CSMD1: variants seen among roughly 807,000 people sequenced by gnomAD.
CSMD1 encodes the protein CUB and sushi domain-containing protein 1.
Under a neutral mutation model 417.5 loss-of-function variants are expected in CSMD1, and 213 were observed. That is an observed-to-expected ratio of 0.51 (90% CI 0.46 to 0.57). The LOEUF (loss-of-function observed/expected upper bound fraction) is 0.57, where lower values mean the gene tolerates loss of function less well. Ranked by LOEUF, CSMD1 falls within the 20% of genes least tolerant of loss-of-function variation. The probability of loss-of-function intolerance (pLI) is 0.00; values close to 1 mark genes in which losing one functional copy is unlikely to be tolerated. For synonymous variants in CSMD1, 2,862 were observed against 1,736.8 expected (o/e 1.65, Z -16.11); for missense variants, 6,923 against 4,529.7 (o/e 1.53, Z -15.17).
intron 5 of CSMD1, among the ~76,000 whole-genome samples, chr8:3,976,414 G>A (rs571746131): frequency 6.6e-5 from 10 of 152,246 alleles, no homozygotes; most frequent in Middle Eastern, 3.4e-3. Flanking sequence ...CTACTAGCAT[G>A]AGCTTCATCA....
At chr8:3,665,751 G>A (rs558208145) in intron 7 of CSMD1, among the ~76,000 whole-genome samples, 28 of 152,122 alleles carry the variant, frequency 1.8e-4, no homozygotes, top group African/African-American at 6.5e-4. Flanking sequence ...AATATAGGAA[G>A]GTGTTTATCC....
chr8:3,805,536 A>T (rs1800682943), intron 5 of CSMD1, among the ~76,000 whole-genome samples: 1 of 152,156 alleles, frequency 6.6e-6, no homozygotes, highest in South Asian at 2.1e-4. Context: ...TTTCATCTGC[A>T]GTGGAAAAGA....
intron 52 of CSMD1, among the ~76,000 whole-genome samples, chr8:3,017,332 A>C (rs1413224588): frequency 6.6e-6 from 1 of 152,202 alleles, no homozygotes; most frequent in Non-Finnish European, 1.5e-5. Flanking sequence ...TTAGGAATGC[A>C]TGGAAACTCC....
At chr8:3,899,420 T>C (rs1355186128) in intron 5 of CSMD1, among the ~76,000 whole-genome samples, 1 of 152,282 alleles carries the variant, frequency 6.6e-6, no homozygotes, top group East Asian at 1.9e-4. Flanking sequence ...CTTCAACATG[T>C]TGGCCACAGG....
chr8:4,256,050 C>T (rs781779986), intron 3 of CSMD1, among the ~76,000 whole-genome samples: 7 of 152,156 alleles, frequency 4.6e-5, no homozygotes, highest in African/African-American at 1.7e-4. Context: ...TTAGATGCAA[C>T]GATTGCATAT....
At chr8:4,597,308 C>T (rs1015953254) in intron 2 of CSMD1, among the ~76,000 whole-genome samples, 3 of 152,014 alleles carry the variant, frequency 2.0e-5, no homozygotes, top group African/African-American at 7.3e-5. Flanking sequence ...CTTATAAGAT[C>T]CTTAAAATAA....
intron 47 of CSMD1, among the ~76,000 whole-genome samples, chr8:3,096,389 G>C (rs908751036): frequency 1.3e-5 from 2 of 152,112 alleles, no homozygotes; most frequent in African/African-American, 2.4e-5. Flanking sequence ...CTGATAGTAA[G>C]TCCCACAAGA....
intron 43 of CSMD1, 99 bp downstream of exon 43, chr8:3,110,059 T>G (rs1370781518): frequency 9.7e-7 from 1 of 1,028,020 alleles, no homozygotes; most frequent in African/African-American, 1.6e-5. Flanking sequence ...TCTAAGAAGT[T>G]TATTCTAAAT....
chr8:4,185,373 A>G (rs1563239992), intron 3 of CSMD1, among the ~76,000 whole-genome samples: 1 of 152,106 alleles, frequency 6.6e-6, no homozygotes, highest in African/African-American at 2.4e-5. Context: ...TAAATTGGAC[A>G]GGGCTTTTAA....
At chr8:4,732,435 T>C (rs769269641) in intron 1 of CSMD1, among the ~76,000 whole-genome samples, 4 of 151,792 alleles carry the variant, frequency 2.6e-5, no homozygotes, top group Non-Finnish European at 5.9e-5. Context: ...CAAGCATTTA[T>C]TCTCACTCAC....
chr8:2,992,404 G>A (rs145791655), intron 54 of CSMD1, among the ~76,000 whole-genome samples: 43 of 152,070 alleles, frequency 2.8e-4, no homozygotes, highest in Middle Eastern at 3.4e-3. Context: ...TAACTAGGTC[G>A]AGTTTTGATT....
At chr8:3,660,350 T>G (rs990320184) in intron 7 of CSMD1, among the ~76,000 whole-genome samples, 1 of 152,154 alleles carries the variant, frequency 6.6e-6, no homozygotes, top group Non-Finnish European at 1.5e-5. Flanking sequence ...ACTGAAAGTA[T>G]TAGCGATCTT....
intron 1 of CSMD1, among the ~76,000 whole-genome samples, chr8:4,910,271 T>C (rs1265005353): frequency 6.6e-6 from 1 of 152,222 alleles, no homozygotes; most frequent in Non-Finnish European, 1.5e-5. Context: ...CTCATCACAG[T>C]GAACAGTCAA....
At chr8:3,566,594 A>G (rs1488825892) in intron 10 of CSMD1, among the ~76,000 whole-genome samples, 3 of 151,866 alleles carry the variant, frequency 2.0e-5, no homozygotes, top group Non-Finnish European at 4.4e-5. Context: ...TTCAAGAAAA[A>G]AAAACCATTA....
chr8:3,096,100 C>T (rs11776711), intron 47 of CSMD1, among the ~76,000 whole-genome samples: 19,722 of 152,062 alleles, frequency 0.13, 1,510 homozygotes, highest in Non-Finnish European at 0.18. Flanking sequence ...ATTGATATTA[C>T]ATATAGGAGA....
chr8:4,350,796 A>G (rs1157402037), intron 3 of CSMD1, among the ~76,000 whole-genome samples: 1 of 152,136 alleles, frequency 6.6e-6, no homozygotes, highest in African/African-American at 2.4e-5. Flanking sequence ...AATTCCCAGC[A>G]TCTAGTTACT....
intron 5 of CSMD1, among the ~76,000 whole-genome samples, chr8:3,979,317 T>G (rs966096902): frequency 6.6e-6 from 1 of 152,206 alleles, no homozygotes; most frequent in African/African-American, 2.4e-5. Context: ...GAGGTGTGAA[T>G]CAGGTATCAC....
At chr8:3,870,450 G>C (rs796861924) in intron 5 of CSMD1, among the ~76,000 whole-genome samples, 1 of 151,932 alleles carries the variant, frequency 6.6e-6, no homozygotes, top group African/African-American at 2.4e-5. Context: ...CATGTTGGTG[G>C]GTATTTCTCT....
At chr8:4,973,114 T>A (rs1211058329) in intron 1 of CSMD1, among the ~76,000 whole-genome samples, 2 of 152,198 alleles carry the variant, frequency 1.3e-5, no homozygotes, top group East Asian at 3.8e-4. Context: ...TGCTACTGTA[T>A]AGGTATTAAA....
Sources: gnomAD v4.1 joint callset for allele counts (sites outside exome capture counted in the v4.1 genomes callset) on GRCh38, gnomAD v4.1.1 for gene constraint, MANE v1.5 for transcripts, NCBI Gene and HGNC (gene_info 2026-07-23, HGNC 2026-07-21) for gene names.